TRRAP: variants seen among roughly 807,000 people sequenced by gnomAD.
The protein encoded by TRRAP is transformation/transcription domain-associated protein.
Under a neutral mutation model 438.8 loss-of-function variants are expected in TRRAP, and 41 were observed. That is an observed-to-expected ratio of 0.09 (90% CI 0.07 to 0.12). The LOEUF (loss-of-function observed/expected upper bound fraction) is 0.12, where lower values mean the gene tolerates loss of function less well. Among genes scored for constraint, TRRAP ranks in the 10% least tolerant of loss-of-function variants. The pLI is 1.00. For missense variants in TRRAP, 3,122 were observed against 5,055.1 expected, an observed-to-expected ratio of 0.62 and a Z score of 11.60; for synonymous variants, 1,994 against 1,962.9, an observed-to-expected ratio of 1.02 and a Z score of -0.42.
chr7:98,949,030 T>G (rs1333671938), intron 35 of TRRAP, among the ~76,000 whole-genome samples: 4 of 152,192 alleles, frequency 2.6e-5, no homozygotes, highest in Non-Finnish European at 5.9e-5. Context: ...CCCAGGAGTT[T>G]GAGACCAGCA....
At position 98,935,688 on chromosome 7, in the gene TRRAP, A is replaced by G; in HGVS notation, c.4111+13A>G. ...ATTGCGGCATTAAGTAAGTTAATGA[A>G]AATCTACGGGGTATAAAAGTGAAAG... On this transcript the variant is annotated intron_variant, in intron 28 of 72. Transcript: ENST00000456197. 1 of 1,577,950 alleles carries G rather than the reference A, an allele frequency of 6.3e-7. No homozygotes were observed. Among genetic ancestry groups the G allele is most frequent in the Non-Finnish European group, 8.7e-7 (1 of 1,152,278 alleles).
chr7:98,933,759 G>A (rs1398753930), intron 27 of TRRAP, among the ~76,000 whole-genome samples: 1 of 152,222 alleles, frequency 6.6e-6, no homozygotes, highest in Non-Finnish European at 1.5e-5. Context: ...CCAATTTATT[G>A]CATTCATTAA....
rs745369306 is a variant in TRRAP at position 98,965,805 on chromosome 7, C to T, written c.7086C>T (p.Ile2362=). 3.1e-6 allele frequency: 5 copies of T among 1,614,042 alleles called. No individual in the cohort carries two copies. The highest frequency in any genetic ancestry group is 2.2e-5 in the South Asian group (2 of 91,068). ...TCCAGGCCATCCTGACATCCCTCAT[C>T]GAAAAATCACCAGATGCCAAAATCC... ...NFIQAILTSL[I]EKSPDAKILR... Residue 2362 remains isoleucine, a synonymous_variant, in exon 49 of 73, where the codon ATC becomes ATT. Transcript: ENST00000456197.
intron 1 of TRRAP, among the ~76,000 whole-genome samples, chr7:98,879,270 C>G (rs1257908310): frequency 6.6e-6 from 1 of 152,230 alleles, no homozygotes; most frequent in Non-Finnish European, 1.5e-5. Flanking sequence ...GGGCGTTTCC[C>G]CCCGGCCAGG....
chr7:98,963,732 A>G (rs982472959), intron 47 of TRRAP, among the ~76,000 whole-genome samples: 2 of 152,134 alleles, frequency 1.3e-5, no homozygotes, highest in African/African-American at 4.8e-5. Flanking sequence ...CTAGCCTGAA[A>G]TCACCTCATA....
chr7:98,908,482 A>G lies in TRRAP; in HGVS notation c.1116-246A>G, dbSNP rs190796085. Among the ~76,000 whole-genome samples, 32 of 152,340 alleles carry G rather than the reference A, an allele frequency of 2.1e-4. No individual in the cohort carries two copies. Among genetic ancestry groups the G allele is most frequent in the African/African-American group, 4.6e-4 (19 of 41,574 alleles). ...GGCTTAGCTGTATGTGCCAGCATCT[A>G]TTAGTAACTTTATGACGTGCACAAA... On this transcript the variant is annotated intron_variant, in intron 13 of 72. Coordinates refer to ENST00000456197, the MANE Select transcript of TRRAP (RefSeq NM_001375524.1). The surrounding 1 kb of genome is among the most constrained non-coding windows in gnomAD (Gnocchi z 4.1).
rs781304198 is a variant in TRRAP at position 98,967,609 on chromosome 7, C to T, written c.7423C>T (p.Arg2475Cys). The change falls in exon 51 of 73, where the codon CGT (arginine) becomes TGT (cysteine). Residue 2475 changes from arginine (R) to cysteine (C), a missense_variant. Arg to Cys is a radical substitution (Grantham distance 180). Around this residue, in one of 24 missense-constraint regions of TRRAP, gnomAD observed 992 missense variants for 1,281.2 expected, o/e 0.77. Coordinates refer to ENST00000456197, the MANE Select transcript of TRRAP (RefSeq NM_001375524.1). Reference sequence around the variant, plus strand: ...CGAGGTTTTTGACAACTCCATGAAACGTCGTGTCTACGAGCGCTTGCTCTA... The same window carrying T: ...CGAGGTTTTTGACAACTCCATGAAATGTCGTGTCTACGAGCGCTTGCTCTA... ...FFEVFDNSMKRRVYERLLYVT... is the reference protein window; with the variant it reads ...FFEVFDNSMKCRVYERLLYVT... The T allele has an allele frequency of 4.3e-6, 7 of 1,614,068 alleles. No individual in the cohort carries two copies. Among genetic ancestry groups the T allele is most frequent in the East Asian group, 2.2e-5 (1 of 44,860 alleles).
chr7:98,961,126 C>T, intron 45 of TRRAP, 135 bp from the exon 46 acceptor site: 1 of 729,358 alleles, frequency 1.4e-6, no homozygotes. Context: ...ATACGATTGT[C>T]ATTCTCTAGT....
At chr7:98,945,976 A>G in intron 33 of TRRAP, 26 bp downstream of exon 33, 2 of 1,434,618 alleles carry the variant, frequency 1.4e-6, no homozygotes, top group South Asian at 2.7e-5. Context: ...GAGCTACAGG[A>G]GGGGGTTGTT....
chr7:98,916,757 T>G (rs781804238), intron 19 of TRRAP, among the ~76,000 whole-genome samples: 15 of 152,190 alleles, frequency 9.9e-5, no homozygotes, highest in Non-Finnish European at 1.9e-4. Flanking sequence ...AAGCTGACCC[T>G]GTGCTGGGAA....
rs554394280 is a variant in TRRAP, at chr7:99,003,222, G to A, written c.10310-968G>A. Among the ~76,000 whole-genome samples, 12 of 152,332 alleles carry A rather than the reference G, an allele frequency of 7.9e-5. No individual in the cohort carries two copies. In the South Asian group the frequency reaches 1.9e-3, roughly 24 times the overall value. ...CGCTCGTCTGGGAGGAAGTCGAGGC[G>A]TTCTACAGAAAGACATTTTAATATG... is the stretch of plus-strand genomic sequence containing the variant. On this transcript the variant is annotated intron_variant, in intron 67 of 72. Coordinates refer to ENST00000456197, the MANE Select transcript of TRRAP (RefSeq NM_001375524.1).
At chr7:98,892,109 A>G (rs906919742) in intron 4 of TRRAP, among the ~76,000 whole-genome samples, 1 of 152,158 alleles carries the variant, frequency 6.6e-6, no homozygotes, top group Admixed American at 6.5e-5. Flanking sequence ...TGCTCTTTTT[A>G]TCTTCAATGA....
chr7:98,923,646 C>T (rs1434388334), intron 21 of TRRAP, among the ~76,000 whole-genome samples: 1 of 152,140 alleles, frequency 6.6e-6, no homozygotes, highest in Non-Finnish European at 1.5e-5. Flanking sequence ...TCCGCAATAC[C>T]CTCGAAGAGC....
intron 62 of TRRAP, among the ~76,000 whole-genome samples, chr7:98,985,804 T>G (rs1409940069): frequency 1.3e-5 from 2 of 152,234 alleles, no homozygotes; most frequent in African/African-American, 4.8e-5. Context: ...TAAATTCATG[T>G]GACAGACACA....
chr7:98,911,372 C>A, intron 17 of TRRAP, 101 bp downstream of exon 17: 1 of 1,188,120 alleles, frequency 8.4e-7, no homozygotes, highest in Non-Finnish European at 1.1e-6. Context: ...ATAATGTAGC[C>A]AAGGATGTGC....
chr7:99,010,504 C>T (rs1395107800), intron 70 of TRRAP, among the ~76,000 whole-genome samples: 4 of 152,192 alleles, frequency 2.6e-5, no homozygotes, highest in Non-Finnish European at 5.9e-5. Flanking sequence ...CGTAGATGGC[C>T]TGTACCAGAT....
chr7:98,915,677 C>T lies in TRRAP; in HGVS notation c.2200-46C>T, dbSNP rs1859662. On this transcript the variant is annotated intron_variant, in intron 18 of 72. Coordinates refer to ENST00000456197, the MANE Select transcript of TRRAP (RefSeq NM_001375524.1). ...ACTTTAGAGTCTGGAGGGTATAGAC[C>T]CTCCTCATTTAGATGCCACTAATCT... is the stretch of plus-strand genomic sequence containing the variant. The T allele has an allele frequency of 0.84, 1,337,827 of 1,594,448 alleles. 573,261 individuals carry two copies. The highest frequency in any genetic ancestry group is 0.88 in the South Asian group (77,361 of 88,018).
rs781868619 is a variant in TRRAP, at chr7:98,899,787, G to A, written c.800+20G>A. Reference sequence around the variant, plus strand: ...AGCGAGGTGAGGCGTCACTGTAGCCGGCTGCCACAGTGCCTGGATTCCAAG... The same window carrying A: ...AGCGAGGTGAGGCGTCACTGTAGCCAGCTGCCACAGTGCCTGGATTCCAAG... On this transcript the variant is annotated intron_variant, in intron 10 of 72. Coordinates refer to ENST00000456197, the MANE Select transcript of TRRAP (RefSeq NM_001375524.1). 24 of 1,611,378 alleles carry A rather than the reference G, an allele frequency of 1.5e-5. No homozygotes were observed. The highest frequency in any genetic ancestry group is 1.1e-4 in the South Asian group (10 of 91,040).
At chr7:99,001,690 T>C (rs1793927629) in intron 67 of TRRAP, among the ~76,000 whole-genome samples, 1 of 152,172 alleles carries the variant, frequency 6.6e-6, no homozygotes, top group Non-Finnish European at 1.5e-5. Context: ...TGTCTCTTTG[T>C]CTGTGTTCCG....
Sources: allele counts gnomAD v4.1 joint callset (sites outside exome capture counted in the v4.1 genomes callset), GRCh38; gene constraint gnomAD v4.1.1; regional missense constraint gnomAD v4.1.1; non-coding constraint Gnocchi (gnomAD v3.1); transcripts MANE v1.5; gene names NCBI Gene and HGNC (gene_info 2026-07-23, HGNC 2026-07-21).